The following DNAJC1 variants were observed in gnomAD, a reference collection of about 807,000 sequenced individuals.
DNAJC1 encodes dnaJ homolog subfamily C member 1.
Under a neutral mutation model 76.6 loss-of-function variants are expected in DNAJC1, and 58 were observed. That is an observed-to-expected ratio of 0.76 (90% CI 0.61 to 0.94). The LOEUF (loss-of-function observed/expected upper bound fraction) is 0.94. DNAJC1 is among the 40% of genes least tolerant of loss of function. The pLI, the probability that DNAJC1 is intolerant of heterozygous loss-of-function variation, is 0.00. For missense variants in DNAJC1, 689 were observed against 677.3 expected (o/e 1.02, Z -0.19); for synonymous variants, 258 against 267.9 (o/e 0.96, Z 0.36).
chr10:21,962,683 C>T (rs549681387), intron 1 of DNAJC1, among the ~76,000 whole-genome samples: 7 of 147,704 alleles, frequency 4.7e-5, no homozygotes, highest in Admixed American at 1.4e-4. Flanking sequence ...AGGTTATTGC[C>T]GTGTTGCCCA....
intron 1 of DNAJC1, among the ~76,000 whole-genome samples, chr10:21,980,962 C>T (rs1329704821): frequency 6.6e-6 from 1 of 151,924 alleles, no homozygotes; most frequent in African/African-American, 2.4e-5. Context: ...AATATTCCTC[C>T]TTAAGTGTGG....
intron 6 of DNAJC1, among the ~76,000 whole-genome samples, chr10:21,914,220 A>T (rs1472877877): frequency 6.6e-6 from 1 of 152,234 alleles, no homozygotes; most frequent in Non-Finnish European, 1.5e-5. Context: ...CAAATATTTA[A>T]CATCCACTAA....
intron 8 of DNAJC1, among the ~76,000 whole-genome samples, chr10:21,836,935 T>C (rs892477566): frequency 6.6e-6 from 1 of 152,084 alleles, no homozygotes; most frequent in African/African-American, 2.4e-5. Context: ...TCTCCCTCTC[T>C]CTCCACGGTC....
intron 10 of DNAJC1, among the ~76,000 whole-genome samples, chr10:21,761,795 G>C (rs940364536): frequency 2.6e-5 from 4 of 152,158 alleles, no homozygotes; most frequent in African/African-American, 9.7e-5. Context: ...GCTCACTAAA[G>C]TTCCAGGTCC....
At chr10:21,898,141 T>C (rs184663773) in intron 7 of DNAJC1, among the ~76,000 whole-genome samples, 2 of 152,274 alleles carry the variant, frequency 1.3e-5, no homozygotes, top group Non-Finnish European at 2.9e-5. Flanking sequence ...GAGAAGCAGG[T>C]ATAAACCTAA....
At chr10:21,805,439 GACACACACACACACACACACAC>G (rs10657199) in intron 9 of DNAJC1, among the ~76,000 whole-genome samples, 1 of 142,746 alleles carries the variant, frequency 7.0e-6, no homozygotes, top group Non-Finnish European at 1.5e-5. Flanking sequence ...GTTACGTATG[GACACACACACACACACACACAC>G]ACACACACAC....
chr10:21,998,209 G>A (rs1475857050), intron 1 of DNAJC1, among the ~76,000 whole-genome samples: 3 of 152,014 alleles, frequency 2.0e-5, no homozygotes, highest in Admixed American at 1.3e-4. Context: ...TGACCAACAT[G>A]GCGAAACCCC....
In DNAJC1 at chr10:21,882,443, A is replaced by C. The variant is rs759448020; in HGVS notation, c.821-4T>G. 6.8e-7 allele frequency: 1 copy of C among 1,472,508 alleles called. No individual in the cohort carries two copies. Among genetic ancestry groups the C allele is most frequent in the Admixed American group, 2.6e-5 (1 of 38,406 alleles). 91.2% of individuals were successfully genotyped at this position (1,472,508 alleles called of 1,614,324 possible). A position where few individuals can be genotyped will look rare whatever the true frequency, so the allele number is the denominator to read the frequency against. On this transcript the variant is annotated splice_polypyrimidine_tract_variant and splice_region_variant and intron_variant, in intron 7 of 11. Transcript: ENST00000376980. ...GGTTTTTTAACTTTCTTCTGTTCTAAAAAATGTTTAAAAGAACCAATTATT... is the reference window on the plus strand; with the variant it reads ...GGTTTTTTAACTTTCTTCTGTTCTACAAAATGTTTAAAAGAACCAATTATT...
intron 1 of DNAJC1, among the ~76,000 whole-genome samples, chr10:21,964,841 C>T (rs1837863985): frequency 6.6e-6 from 1 of 151,980 alleles, no homozygotes; most frequent in Non-Finnish European, 1.5e-5. Context: ...CCTCAATGCC[C>T]TGAAGACAAT....
chr10:21,970,643 T>C (rs1010785473), intron 1 of DNAJC1, among the ~76,000 whole-genome samples: 35 of 151,976 alleles, frequency 2.3e-4, no homozygotes, highest in African/African-American at 8.0e-4. Context: ...CTAAAGGTGA[T>C]AGACCAAAGA....
At chr10:21,957,677 T>C (rs1371385358) in intron 1 of DNAJC1, among the ~76,000 whole-genome samples, 1 of 152,202 alleles carries the variant, frequency 6.6e-6, no homozygotes, top group Admixed American at 6.5e-5. Flanking sequence ...TTCAGTTATT[T>C]AGTCTCTTTA....
At chr10:21,757,295 A>G (rs1326489663) in intron 11 of DNAJC1, among the ~76,000 whole-genome samples, 1 of 152,134 alleles carries the variant, frequency 6.6e-6, no homozygotes, top group Non-Finnish European at 1.5e-5. Flanking sequence ...CGCCCACTTC[A>G]GACCTCAGCT....
chr10:21,768,355 A>G (rs951821203), intron 9 of DNAJC1, among the ~76,000 whole-genome samples: 27 of 152,222 alleles, frequency 1.8e-4, no homozygotes, highest in African/African-American at 6.3e-4. Context: ...AAGCATGATC[A>G]TTAAGAGCCG....
intron 8 of DNAJC1, among the ~76,000 whole-genome samples, chr10:21,850,978 A>G (rs781418556): frequency 1.3e-5 from 2 of 152,190 alleles, no homozygotes; most frequent in African/African-American, 2.4e-5. Flanking sequence ...ATGAAGCAGG[A>G]CCCATAACTC....
chr10:21,834,042 A>G (rs1369572203), intron 8 of DNAJC1, among the ~76,000 whole-genome samples: 1 of 151,998 alleles, frequency 6.6e-6, no homozygotes, highest in Admixed American at 6.6e-5. Context: ...AGGTGGGCGG[A>G]CCACGAGGTC....
chr10:21,845,010 C>A (rs1399588741), intron 8 of DNAJC1, among the ~76,000 whole-genome samples: 1 of 152,198 alleles, frequency 6.6e-6, no homozygotes, highest in Non-Finnish European at 1.5e-5. Flanking sequence ...GCACTCCAGC[C>A]TGGGTGACAG....
At chr10:21,958,763 G>A (rs1837736491) in intron 1 of DNAJC1, among the ~76,000 whole-genome samples, 1 of 152,012 alleles carries the variant, frequency 6.6e-6, no homozygotes, top group Non-Finnish European at 1.5e-5. Context: ...ATAAATGGAA[G>A]GGATGAGGTT....
chr10:21,832,883 T>C (rs367856289), intron 8 of DNAJC1, among the ~76,000 whole-genome samples: 2 of 152,318 alleles, frequency 1.3e-5, no homozygotes, highest in East Asian at 3.9e-4. Context: ...TATTTTCTCT[T>C]TATCATTTCA....
At chr10:21,910,662 G>C (rs941714599) in intron 6 of DNAJC1, among the ~76,000 whole-genome samples, 1 of 151,992 alleles carries the variant, frequency 6.6e-6, no homozygotes, top group Non-Finnish European at 1.5e-5. Context: ...GGCCTGTGGT[G>C]GGGTGGGAAG....
Sources: gnomAD v4.1 joint callset for allele counts (sites outside exome capture counted in the v4.1 genomes callset) on GRCh38, gnomAD v4.1.1 for gene constraint, MANE v1.5 for transcripts, NCBI Gene and HGNC (gene_info 2026-07-23, HGNC 2026-07-21) for gene names.